Variants in CKAP2 observed in about 807,000 individuals in gnomAD.
The protein encoded by CKAP2 is cytoskeleton associated protein 2.
Under a neutral mutation model 58.4 loss-of-function variants are expected in CKAP2, and 46 were observed. That is an observed-to-expected ratio of 0.79 (90% CI 0.62 to 1.01). CKAP2 has a LOEUF of 1.01. Ranked by LOEUF, CKAP2 falls within the 50% of genes least tolerant of loss-of-function variation. CKAP2 has a pLI of 0.00. For synonymous variants in CKAP2, 293 were observed against 280.9 expected (o/e 1.04, Z -0.43); for missense variants, 809 against 796.4 (o/e 1.02, Z -0.19).
At chr13:52,468,209 T>C in intron 6 of CKAP2, 69 bp from the exon 7 acceptor site, 1 of 905,270 alleles carries the variant, frequency 1.1e-6, no homozygotes, top group Non-Finnish European at 1.7e-6. Context: ...AATCGCGACT[T>C]GGATACCTAG....
intron 6 of CKAP2, among the ~76,000 whole-genome samples, chr13:52,467,183 C>G (rs549576946): frequency 7.8e-4 from 119 of 151,748 alleles, no homozygotes; most frequent in African/African-American, 2.8e-3. Flanking sequence ...GGAACTAAGA[C>G]TGTGAATTAC....
chr13:52,462,009 A>T (rs1958593591), intron 4 of CKAP2, 83 bp downstream of exon 4: 11 of 1,280,446 alleles, frequency 8.6e-6, no homozygotes, highest in Non-Finnish European at 1.2e-5. Context: ...CCTTGACTGC[A>T]TTAGAATTTT....
intron 7 of CKAP2, among the ~76,000 whole-genome samples, chr13:52,470,975 T>G (rs1958753870): frequency 6.6e-6 from 1 of 151,948 alleles, no homozygotes; most frequent in Non-Finnish European, 1.5e-5. Context: ...CTGGCCAACA[T>G]GGTGAAACCC....
intron 2 of CKAP2, among the ~76,000 whole-genome samples, chr13:52,457,256 A>G (rs1007794072): frequency 6.6e-6 from 1 of 152,196 alleles, no homozygotes; most frequent in Non-Finnish European, 1.5e-5. Context: ...ATTATAAAGC[A>G]AAGTATGTGC....
At position 52,461,740 on chromosome 13, in the gene CKAP2, A is replaced by G. The variant is rs1321396471; in HGVS notation, c.914A>G (p.Gln305Arg). Residue 305 changes from glutamine to arginine, a missense_variant, in exon 4 of 9, where the codon CAA (glutamine) becomes CGA (arginine). This residue lies in a region of CKAP2 where 523 missense variants were observed against 492.4 expected (regional missense o/e 1.06). Transcript: ENST00000258607. Reference protein sequence around the residue: ...ALSSVKTSSSQGIIRNKTLSR... With the variant: ...ALSSVKTSSSRGIIRNKTLSR... ...TCTAGTGTCAAAACCAGTTCTTCTC[A>G]AGGTATAATAAGAAATAAGACTCTA... 2 of 1,613,762 alleles carry G rather than the reference A, an allele frequency of 1.2e-6. No individual in the cohort carries two copies. The highest frequency in any genetic ancestry group is 2.2e-5 in the South Asian group (2 of 91,024).
At chr13:52,462,631 A>G in intron 5 of CKAP2, 64 bp downstream of exon 5, 3 of 1,257,642 alleles carry the variant, frequency 2.4e-6, no homozygotes, top group Non-Finnish European at 3.3e-6. Flanking sequence ...GCATTATTTC[A>G]TTAAATTATA....
intron 2 of CKAP2, among the ~76,000 whole-genome samples, chr13:52,457,922 G>A (rs1958513549): frequency 6.6e-6 from 1 of 152,152 alleles, no homozygotes; most frequent in African/African-American, 2.4e-5. Context: ...TCAGAGAGTG[G>A]AAATGATAAC....
intron 1 of CKAP2, among the ~76,000 whole-genome samples, 191 bp from the exon 2 acceptor site, chr13:52,456,332 G>C (rs766357593): frequency 2.6e-5 from 4 of 152,204 alleles, no homozygotes; most frequent in Non-Finnish European, 4.4e-5. Context: ...TTGGGGACCT[G>C]TTGTGGTAAC....
At chr13:52,462,184 G>A (rs556556024) in intron 4 of CKAP2, among the ~76,000 whole-genome samples, 179 bp from the exon 5 acceptor site, 3 of 152,290 alleles carry the variant, frequency 2.0e-5, no homozygotes, top group South Asian at 2.1e-4. Flanking sequence ...ATCAAAAAAT[G>A]CATTCATGGA....
Position 52,475,992 on chromosome 13 carries a change from A to G in CKAP2, c.*851A>G, listed in dbSNP as rs1958823741. 1 of 152,216 alleles carries G rather than the reference A, an allele frequency of 6.6e-6. No individual in the cohort carries two copies. Among genetic ancestry groups the G allele is most frequent in the Non-Finnish European group, 1.5e-5 (1 of 68,038 alleles). 9.4% of individuals were successfully genotyped at this position (152,216 alleles called of 1,614,324 possible). ...TTAGATAGCATTTCTAAGATAACTG[A>G]TACTAATACTTGTTTTCTTCCCTAT... On this transcript the variant is annotated 3_prime_UTR_variant, in exon 9 of 9. Coordinates refer to ENST00000258607, the MANE Select transcript of CKAP2 (RefSeq NM_018204.5).
intron 5 of CKAP2, among the ~76,000 whole-genome samples, chr13:52,463,482 A>G (rs756786035): frequency 3.3e-5 from 5 of 152,094 alleles, no homozygotes; most frequent in Non-Finnish European, 5.9e-5. Context: ...ACAGTTTAAA[A>G]AAAGACACAT....
intron 2 of CKAP2, among the ~76,000 whole-genome samples, chr13:52,458,558 A>G (rs1958522266): frequency 6.6e-6 from 1 of 152,238 alleles, no homozygotes; most frequent in African/African-American, 2.4e-5. Flanking sequence ...TACTACATTT[A>G]TTCCTTTCAG....
In CKAP2 at chr13:52,466,028, TATACAC is replaced by T. The variant is rs565149570; in HGVS notation, c.1476+567_1476+572del. 2.0e-3 allele frequency among the ~76,000 whole-genome samples: 308 copies of T among 151,394 alleles called. 3 individuals are homozygous for T. Among genetic ancestry groups the T allele is most frequent in the Non-Finnish European group, 9.1e-4 (62 of 67,870 alleles). ...ATACACACATACACATATATACACA[TATACAC>T]ATATATACACACACACATATATATA... On this transcript the variant is annotated intron_variant, in intron 6 of 8. Transcript: ENST00000258607.
At chr13:52,465,498 C>T (rs367879017) in intron 6 of CKAP2, 33 bp downstream of exon 6, 16 of 1,564,090 alleles carry the variant, frequency 1.0e-5, no homozygotes, top group Middle Eastern at 1.7e-4. Context: ...TTTACAATTA[C>T]AGTGTAGTAG....
In CKAP2 at chr13:52,461,262, G is replaced by A. The variant is rs750611939; in HGVS notation, c.436G>A (p.Ala146Thr). Residue 146 changes from alanine (A) to threonine (T), a missense_variant, in exon 4 of 9, where the codon GCA becomes ACA. Transcript: ENST00000258607. Reference protein sequence around the residue: ...PQSQHMTLSQAFHLKNNSKKK... With the variant: ...PQSQHMTLSQTFHLKNNSKKK... Reference sequence around the variant, plus strand: ...AAGTCAACATATGACATTAAGCCAGGCATTTCACCTTAAAAACAATAGTAA... The same window carrying A: ...AAGTCAACATATGACATTAAGCCAGACATTTCACCTTAAAAACAATAGTAA... The A allele has an allele frequency of 1.2e-6, 2 of 1,613,368 alleles. No homozygotes were observed. Among genetic ancestry groups the A allele is most frequent in the Non-Finnish European group, 1.7e-6 (2 of 1,179,918 alleles).
At chr13:52,455,997 C>CT (rs1252293712) in intron 1 of CKAP2, 1 of 1,073,600 alleles carries the variant, frequency 9.3e-7, no homozygotes, top group Non-Finnish European at 1.1e-6. Context: ...TCCTCCGCCT[C>CT]TTAGGTCCCT....
Position 52,456,219 on chromosome 13 carries a change from A to G in CKAP2, c.71-304A>G, listed in dbSNP as rs1958477390. On this transcript the variant is annotated intron_variant, in intron 1 of 8. Coordinates refer to ENST00000258607, the MANE Select transcript of CKAP2 (RefSeq NM_018204.5). ...TCGAGTCTAGTGCCTCACTTCTACC[A>G]TTTAGTTTCTTAAAGCTTGGCTAGC... is the stretch of plus-strand genomic sequence containing the variant. 8 of 1,063,298 alleles carry G rather than the reference A, an allele frequency of 7.5e-6. No individual in the cohort carries two copies. The South Asian group carries it at 2.3e-4, about 31-fold the overall frequency. 65.9% of individuals were successfully genotyped at this position (1,063,298 alleles called of 1,614,324 possible).
intron 2 of CKAP2, among the ~76,000 whole-genome samples, chr13:52,459,871 TC>T (rs1958542711): frequency 6.6e-6 from 1 of 152,142 alleles, no homozygotes; most frequent in Non-Finnish European, 1.5e-5. Flanking sequence ...AAACTAACGT[TC>T]TTTTTTTTGA....
chr13:52,462,026 T>C (rs1651801441), intron 4 of CKAP2, 100 bp downstream of exon 4: 4 of 1,177,482 alleles, frequency 3.4e-6, no homozygotes, highest in Non-Finnish European at 4.6e-6. Context: ...TTTTCTTTCA[T>C]GGTTTCTCTT....
Sources: allele counts gnomAD v4.1 joint callset (sites outside exome capture counted in the v4.1 genomes callset), GRCh38; gene constraint gnomAD v4.1.1; regional missense constraint gnomAD v4.1.1; transcripts MANE v1.5; gene names NCBI Gene and HGNC (gene_info 2026-07-23, HGNC 2026-07-21).